The following ETV1 variants were observed in gnomAD, a reference collection of about 807,000 sequenced individuals.
The protein encoded by ETV1 is ETS translocation variant 1.
ETV1 carries 27 observed loss-of-function variants against 62.3 expected under a neutral mutation model. The observed-to-expected ratio is 0.43, with a 90% CI of 0.32 to 0.60. The LOEUF (loss-of-function observed/expected upper bound fraction) is 0.60, where lower values mean the gene tolerates loss of function less well. Ranked by LOEUF, ETV1 falls within the 20% of genes least tolerant of loss-of-function variation. The pLI is 0.06. For missense variants in ETV1, 605 were observed against 605.8 expected (o/e 1.00, Z 0.01); for synonymous variants, 222 against 199.6 (o/e 1.11, Z -0.94).
At chr7:13,941,598 C>A (rs903783625) in intron 6 of ETV1, among the ~76,000 whole-genome samples, 2 of 152,060 alleles carry the variant, frequency 1.3e-5, no homozygotes, top group Non-Finnish European at 2.9e-5. Flanking sequence ...AGGCCCAGTA[C>A]GGTGGCTCAC....
chr7:13,963,874 C>T (rs557363065), intron 6 of ETV1, among the ~76,000 whole-genome samples: 359 of 152,280 alleles, frequency 2.4e-3, no homozygotes, highest in African/African-American at 3.6e-3. Flanking sequence ...GGATGACTGA[C>T]GTTTATTGAT....
intron 9 of ETV1, among the ~76,000 whole-genome samples, chr7:13,928,669 A>T (rs2128446092): frequency 6.6e-6 from 1 of 151,570 alleles, no homozygotes; most frequent in Admixed American, 6.6e-5. Flanking sequence ...ATATAAAAAC[A>T]TTTCTAGGCA....
At chr7:13,922,520 A>T (rs1784965298) in intron 9 of ETV1, among the ~76,000 whole-genome samples, 1 of 152,222 alleles carries the variant, frequency 6.6e-6, no homozygotes, top group Non-Finnish European at 1.5e-5. Flanking sequence ...CTGAGGAGGG[A>T]GAATTGCTTG....
At chr7:13,965,583 A>T (rs528923625) in intron 6 of ETV1, among the ~76,000 whole-genome samples, 19 of 152,294 alleles carry the variant, frequency 1.2e-4, no homozygotes, top group African/African-American at 4.6e-4. Context: ...AATTTCAGTC[A>T]TCACATGCCT....
chr7:13,990,117 C>T (rs1782916163), upstream of ETV1, among the ~76,000 whole-genome samples: 1 of 152,170 alleles, frequency 6.6e-6, no homozygotes, highest in African/African-American at 2.4e-5. Flanking sequence ...TCCAACCTCT[C>T]TACTCTTGCC....
intron 9 of ETV1, among the ~76,000 whole-genome samples, chr7:13,925,713 C>A (rs1009855636): frequency 6.6e-6 from 1 of 150,818 alleles, no homozygotes; most frequent in Non-Finnish European, 1.5e-5. Flanking sequence ...CTACAGGGAC[C>A]CGCCACTGCG....
At chr7:13,947,392 CA>C (rs11352949) in intron 6 of ETV1, among the ~76,000 whole-genome samples, 6,806 of 86,420 alleles carry the variant, frequency 0.079, 259 homozygotes, top group African/African-American at 0.24. Context: ...ACTAACTATA[CA>C]AAAAAAAAAA....
intron 6 of ETV1, among the ~76,000 whole-genome samples, chr7:13,949,273 T>C (rs1259398990): frequency 1.3e-5 from 2 of 152,188 alleles, no homozygotes; most frequent in Admixed American, 6.5e-5. Context: ...CACAGCCTTT[T>C]ATACAAATAT....
chr7:13,934,735 T>G (rs1207264304), intron 8 of ETV1, among the ~76,000 whole-genome samples: 1 of 152,248 alleles, frequency 6.6e-6, no homozygotes, highest in Non-Finnish European at 1.5e-5. Flanking sequence ...GGTATCCGTA[T>G]GCTAGAAATA....
chr7:13,981,699 A>T (rs553950955), intron 5 of ETV1, among the ~76,000 whole-genome samples: 1 of 152,128 alleles, frequency 6.6e-6, no homozygotes, highest in East Asian at 1.9e-4. Flanking sequence ...GAAATGCCTT[A>T]TTTTTCTTTT....
At chr7:13,946,206 T>A (rs959136317) in intron 6 of ETV1, among the ~76,000 whole-genome samples, 1 of 152,202 alleles carries the variant, frequency 6.6e-6, no homozygotes, top group African/African-American at 2.4e-5. Context: ...TCTGCAGTCT[T>A]CCTCTGGCAT....
chr7:13,927,964 C>G (rs902088221), intron 9 of ETV1, among the ~76,000 whole-genome samples: 1 of 152,004 alleles, frequency 6.6e-6, no homozygotes, highest in Admixed American at 6.6e-5. Flanking sequence ...AAATTAACAG[C>G]TTTTTAGGTA....
At chr7:13,909,830 T>C in intron 10 of ETV1, 130 bp from the exon 11 acceptor site, 1 of 736,882 alleles carries the variant, frequency 1.4e-6, no homozygotes, top group South Asian at 1.7e-5. Context: ...CCTTGAGCCC[T>C]GGACACATTA....
chr7:13,984,081 C>G (rs1006687349), intron 5 of ETV1, among the ~76,000 whole-genome samples: 1 of 151,508 alleles, frequency 6.6e-6, no homozygotes, highest in African/African-American at 2.4e-5. Context: ...TATAATTTTT[C>G]AAAAACACAA....
chr7:13,892,138 T>A lies in ETV1; in HGVS notation c.*3728A>T, dbSNP rs974543881. ...ATTGTTCTTACCTAATAAGTAATAA[T>A]CACTAGCAAATGATAAGATCACATA... On this transcript the variant is annotated 3_prime_UTR_variant, in exon 14 of 14. Transcript: ENST00000430479. 1.5e-4 allele frequency: 36 copies of A among 232,278 alleles called. No individual in the cohort carries two copies. The highest frequency in any genetic ancestry group is 1.2e-3 in the Admixed American group (22 of 17,758). 14.4% of individuals were successfully genotyped at this position (232,278 alleles called of 1,614,324 possible).
chr7:13,901,877 G>C (rs1159072805), intron 12 of ETV1, among the ~76,000 whole-genome samples: 1 of 152,156 alleles, frequency 6.6e-6, no homozygotes, highest in Non-Finnish European at 1.5e-5. Flanking sequence ...AAAAAACTCA[G>C]AGCTTTTTAT....
chr7:13,942,124 C>T (rs948144451), intron 6 of ETV1, among the ~76,000 whole-genome samples: 11 of 149,800 alleles, frequency 7.3e-5, no homozygotes, highest in Non-Finnish European at 1.6e-4. Context: ...CCCGGGTTCA[C>T]GCCATTCTCC....
At chr7:13,926,203 C>T (rs1260645239) in intron 9 of ETV1, among the ~76,000 whole-genome samples, 4 of 152,124 alleles carry the variant, frequency 2.6e-5, no homozygotes, top group Non-Finnish European at 4.4e-5. Context: ...CACTATGCAT[C>T]TTTCACTATT....
At chr7:13,988,705 A>C (rs1304496290) in intron 3 of ETV1, 1 of 1,612,680 alleles carries the variant, frequency 6.2e-7, no homozygotes, top group Non-Finnish European at 8.5e-7. Flanking sequence ...GTGGCAGACA[A>C]ACCCAGCCAA....
Sources: allele counts gnomAD v4.1 joint callset (sites outside exome capture counted in the v4.1 genomes callset), GRCh38; gene constraint gnomAD v4.1.1; transcripts MANE v1.5; gene names NCBI Gene and HGNC (gene_info 2026-07-23, HGNC 2026-07-21).